The following SERPINB7 variants were observed in gnomAD, a reference collection of about 807,000 sequenced individuals.
SERPINB7 encodes serpin family B member 7, also known as serpin B7.
Under a neutral mutation model 37.4 loss-of-function variants are expected in SERPINB7, and 31 were observed. The observed-to-expected ratio is 0.83, with a 90% CI of 0.62 to 1.12. The LOEUF (loss-of-function observed/expected upper bound fraction) is 1.12, where lower values mean the gene tolerates loss of function less well. Ranked by LOEUF, SERPINB7 falls within the 50% of genes most tolerant of loss-of-function variation. The probability of loss-of-function intolerance (pLI) is 0.00; values close to 1 mark genes in which losing one functional copy is unlikely to be tolerated. For synonymous variants in SERPINB7, 163 were observed against 166.1 expected (o/e 0.98, Z 0.14); for missense variants, 521 against 455.3 (o/e 1.14, Z -1.31).
In SERPINB7 at chr18:63,798,619, T is replaced by C. The variant is rs1452793641; in HGVS notation, c.470T>C (p.Val157Ala). The C allele has an allele frequency of 6.4e-7, 1 of 1,566,098 alleles. No homozygotes were observed. Among genetic ancestry groups the C allele is most frequent in the East Asian group, 2.3e-5 (1 of 43,092 alleles). The change falls in exon 6 of 8, where the codon GTG becomes GCG. Residue 157 changes from valine to alanine, a missense_variant. By Grantham distance (64) the Val-to-Ala change is moderately conservative. Transcript: ENST00000398019. ...ENETHGKIKN[V>A]IGEGGISSSA... is the part of the protein sequence containing the mutation. ...TTTTCAAAAGGCAAAATCAAGAACG[T>C]GATTGGTGAAGGTGGCATAAGCTCA...
Position 63,761,555 on chromosome 18 carries a change from C to A in SERPINB7, c.-19+8435C>A, listed in dbSNP as rs537430153. 3.9e-5 allele frequency among the ~76,000 whole-genome samples: 6 copies of A among 152,248 alleles called. No individual in the cohort carries two copies. The South Asian group carries it at 6.2e-4, about 16-fold the overall frequency. On this transcript the variant is annotated intron_variant, in intron 1 of 7. Coordinates refer to the SERPINB7 transcript ENST00000336429. ...CCAGGGACTAAATGATATGGTTTGA[C>A]TGTGTCCCCATCCAAATCTCAACTC... is the stretch of plus-strand genomic sequence containing the variant.
intron 2 of SERPINB7, among the ~76,000 whole-genome samples, chr18:63,790,093 A>T (rs1398280249): frequency 2.0e-5 from 3 of 152,212 alleles, no homozygotes; most frequent in African/African-American, 7.2e-5. Flanking sequence ...TAAAAACTAC[A>T]ACTTAATAAC....
At chr18:63,796,463 T>C (rs1011343358) in intron 5 of SERPINB7, 80 bp downstream of exon 5, 75 of 768,254 alleles carry the variant, frequency 9.8e-5, no homozygotes, top group Non-Finnish European at 1.6e-4. Context: ...GGGAGTCTTT[T>C]GTACATACAA....
chr18:63,760,175 GGT>G (rs1178694270), intron 1 of SERPINB7, among the ~76,000 whole-genome samples: 1 of 152,210 alleles, frequency 6.6e-6, no homozygotes, highest in Non-Finnish European at 1.5e-5. Flanking sequence ...TCCAGGCTGA[GGT>G]GATCTCTGAT....
intron 1 of SERPINB7, among the ~76,000 whole-genome samples, chr18:63,756,475 C>G (rs138939341): frequency 1.3e-5 from 2 of 152,230 alleles, no homozygotes; most frequent in East Asian, 3.9e-4. Flanking sequence ...GCAGAGGGAT[C>G]AAATGAGGAC....
chr18:63,788,062 A>C, intron 2 of SERPINB7, among the ~76,000 whole-genome samples: 1 of 152,222 alleles, frequency 6.6e-6, no homozygotes, highest in East Asian at 1.9e-4. Flanking sequence ...AATGGTGACT[A>C]TTACTGATTT....
At chr18:63,785,616 T>G (rs1023049912) in intron 2 of SERPINB7, among the ~76,000 whole-genome samples, 1 of 152,096 alleles carries the variant, frequency 6.6e-6, no homozygotes, top group African/African-American at 2.4e-5. Flanking sequence ...TGAGGTTCAA[T>G]GCAGTTGAAG....
Position 63,804,295 on chromosome 18 carries a change from C to G in SERPINB7, c.803C>G (p.Thr268Ser). Reference sequence around the variant, plus strand: ...GAATGGACCAATCCAAGGCGAATGACCTCTAAGTATGTTGAGGTATTTTTT... The same window carrying G: ...GAATGGACCAATCCAAGGCGAATGAGCTCTAAGTATGTTGAGGTATTTTTT... ...LMEWTNPRRM[T>S]SKYVEVFFPQ... The change falls in exon 8 of 8, where the codon ACC becomes AGC. Residue 268 changes from threonine to serine, a missense_variant. Coordinates refer to ENST00000398019, the MANE Select transcript of SERPINB7 (RefSeq NM_003784.4). 4 of 1,609,950 alleles carry G rather than the reference C, an allele frequency of 2.5e-6. No homozygotes were observed. Among genetic ancestry groups the G allele is most frequent in the African/African-American group, 1.3e-5 (1 of 74,740 alleles).
intron 6 of SERPINB7, among the ~76,000 whole-genome samples, chr18:63,799,075 C>A (rs1018656622): frequency 1.3e-5 from 2 of 152,020 alleles, no homozygotes; most frequent in Non-Finnish European, 2.9e-5. Flanking sequence ...TTTCATTTTT[C>A]ATTTTTTTAA....
chr18:63,770,058 T>C (rs1249469720), intron 1 of SERPINB7, among the ~76,000 whole-genome samples: 1 of 148,868 alleles, frequency 6.7e-6, no homozygotes, highest in Non-Finnish European at 1.5e-5. Flanking sequence ...TCTGCTTGTG[T>C]TTGCTTAGTG....
Position 63,799,984 on chromosome 18 carries a change from T to C in SERPINB7, c.598-882T>C, listed in dbSNP as rs371627190. Among the ~76,000 whole-genome samples the C allele has an allele frequency of 5.9e-5, 9 of 152,294 alleles. No homozygotes were observed. In the South Asian group the frequency reaches 1.7e-3, roughly 28 times the overall value. On this transcript the variant is annotated intron_variant, in intron 6 of 7. Coordinates refer to ENST00000398019, the MANE Select transcript of SERPINB7 (RefSeq NM_003784.4). ...GATAAGAGCTACTTATTTTTTGCCC[T>C]AGTGAATTTGAGGGACATTATCAAA...
intron 1 of SERPINB7, among the ~76,000 whole-genome samples, chr18:63,757,418 T>C (rs1020195762): frequency 7.2e-5 from 11 of 152,202 alleles, no homozygotes; most frequent in African/African-American, 2.7e-4. Flanking sequence ...TTTGCTATTA[T>C]CTGTTGCTGG....
intron 1 of SERPINB7, among the ~76,000 whole-genome samples, chr18:63,755,497 G>A (rs2049116788): frequency 6.6e-6 from 1 of 152,136 alleles, no homozygotes; most frequent in Non-Finnish European, 1.5e-5. Flanking sequence ...ACTGAAGTTT[G>A]AGGTTTAGCT....
chr18:63,758,835 A>T (rs191263638), intron 1 of SERPINB7, among the ~76,000 whole-genome samples: 104 of 152,352 alleles, frequency 6.8e-4, no homozygotes, highest in Admixed American at 1.3e-3. Flanking sequence ...TCACTACAGC[A>T]TCCTCACAGA....
chr18:63,777,698 C>T (rs1506412), intron 1 of SERPINB7: 20,903 of 152,112 alleles, frequency 0.14, 2,418 homozygotes, highest in East Asian at 0.45. Context: ...TTATTTAAAA[C>T]TATCATGGCC....
chr18:63,761,043 G>A (rs956117322), intron 1 of SERPINB7, among the ~76,000 whole-genome samples: 4 of 152,202 alleles, frequency 2.6e-5, no homozygotes, highest in Non-Finnish European at 5.9e-5. Flanking sequence ...AAGATCCACT[G>A]ACAGCTTGTA....
intron 1 of SERPINB7, among the ~76,000 whole-genome samples, chr18:63,777,126 C>T (rs563131687): frequency 2.6e-5 from 4 of 152,132 alleles, no homozygotes; most frequent in Admixed American, 1.3e-4. Context: ...GCTCACCTGC[C>T]TCCCTTAAAT....
At chr18:63,773,272 GA>G, upstream of SERPINB7, among the ~76,000 whole-genome samples, 1 of 152,136 alleles carries the variant, frequency 6.6e-6, no homozygotes, top group East Asian at 1.9e-4. Flanking sequence ...TCAATGTCTG[GA>G]ATTTGGACCA....
intron 1 of SERPINB7, among the ~76,000 whole-genome samples, chr18:63,754,486 A>G (rs919384642): frequency 6.6e-6 from 1 of 152,206 alleles, no homozygotes; most frequent in African/African-American, 2.4e-5. Flanking sequence ...AGAGGCATTT[A>G]GTAGGTACGA....
Sources: gnomAD v4.1 joint callset for allele counts (sites outside exome capture counted in the v4.1 genomes callset) on GRCh38, gnomAD v4.1.1 for gene constraint, MANE v1.5 for transcripts, NCBI Gene and HGNC (gene_info 2026-07-23, HGNC 2026-07-21) for gene names.